Variants in CGNL1 observed in about 807,000 individuals in gnomAD.
The protein encoded by CGNL1 is cingulin-like protein 1.
Under a neutral mutation model 141.2 loss-of-function variants are expected in CGNL1, and 132 were observed. The observed-to-expected ratio is 0.93, with a 90% CI of 0.81 to 1.08. The LOEUF (loss-of-function observed/expected upper bound fraction) is 1.08. Among genes scored for constraint, CGNL1 ranks in the 50% least tolerant of loss-of-function variants. CGNL1 has a pLI of 0.00. For synonymous variants in CGNL1, 690 were observed against 622.1 expected, an observed-to-expected ratio of 1.11 and a Z score of -1.63; for missense variants, 1,870 against 1,588.6, an observed-to-expected ratio of 1.18 and a Z score of -3.01.
chr15:57,458,319 C>T (rs746592202), intron 7 of CGNL1, among the ~76,000 whole-genome samples: 4 of 152,100 alleles, frequency 2.6e-5, no homozygotes, highest in Admixed American at 6.5e-5. Context: ...AATTAAGCCC[C>T]GAGGTGATGG....
chr15:57,400,887 T>TAAAAAAAA (rs35735890), intron 1 of CGNL1, among the ~76,000 whole-genome samples: 13 of 77,886 alleles, frequency 1.7e-4, no homozygotes, highest in East Asian at 3.9e-4. Flanking sequence ...TGTCTCAAAT[T>TAAAAAAAA]AAAAAAAAAA....
chr15:57,448,059 G>A (rs1224607372), intron 4 of CGNL1, among the ~76,000 whole-genome samples: 10 of 151,594 alleles, frequency 6.6e-5, no homozygotes, highest in African/African-American at 2.4e-4. Context: ...GTAATCCTGG[G>A]AGTTTGGGAG....
intron 14 of CGNL1, among the ~76,000 whole-genome samples, chr15:57,533,219 C>T (rs1259540634): frequency 2.0e-5 from 3 of 152,142 alleles, no homozygotes; most frequent in East Asian, 1.9e-4. Context: ...GTTCTGTCTG[C>T]GTGTTCCCAG....
Position 57,547,892 on chromosome 15 carries a change from T to C in CGNL1, c.*402T>C, listed in dbSNP as rs1166132082. ...CAGGGAGGAAACCATGTATAGCTTG[T>C]ACATATTTTAAACCAGACCTTCTCA... On this transcript the variant is annotated 3_prime_UTR_variant, in exon 19 of 19. Transcript: ENST00000281282. The C allele has an allele frequency of 6.1e-6, 1 of 165,154 alleles. No individual in the cohort carries two copies. Among genetic ancestry groups the C allele is most frequent in the East Asian group, 1.8e-4 (1 of 5,668 alleles). The allele number at this position is 165,154 out of a possible 1,614,324, so 10.2% of individuals were successfully genotyped here.
chr15:57,475,432 C>A (rs1460413493), intron 8 of CGNL1, among the ~76,000 whole-genome samples: 2 of 151,970 alleles, frequency 1.3e-5, no homozygotes. Flanking sequence ...AGAGACATAT[C>A]TGACCCAAAA....
At chr15:57,509,449 C>T (rs932876403) in intron 8 of CGNL1, among the ~76,000 whole-genome samples, 2 of 152,232 alleles carry the variant, frequency 1.3e-5, no homozygotes, top group Admixed American at 6.5e-5. Context: ...AGGCTCTTGG[C>T]CTATGTGGTT....
intron 8 of CGNL1, among the ~76,000 whole-genome samples, chr15:57,466,936 A>T (rs542238750): frequency 6.6e-6 from 1 of 152,292 alleles, no homozygotes; most frequent in Admixed American, 6.5e-5. Flanking sequence ...GCCATTAGGC[A>T]CTTTCAGAGT....
intron 4 of CGNL1, 71 bp from the exon 5 acceptor site, chr15:57,451,429 T>C (rs185825497): frequency 9.2e-7 from 1 of 1,084,868 alleles, no homozygotes; most frequent in East Asian, 2.4e-5. Flanking sequence ...TGATTATATT[T>C]GGAGGGGGAA....
At chr15:57,384,320 T>C (rs1229872487) in intron 1 of CGNL1, among the ~76,000 whole-genome samples, 1 of 152,132 alleles carries the variant, frequency 6.6e-6, no homozygotes, top group Non-Finnish European at 1.5e-5. Context: ...AATGCTCCCA[T>C]AGCATTTGCC....
Position 57,480,773 on chromosome 15 carries a change from C to G in CGNL1, c.2403+18881C>G, listed in dbSNP as rs145058543. On this transcript the variant is annotated intron_variant, in intron 8 of 18. Transcript: ENST00000281282. ...TCTGGCTGAGAATTTATACAGCCTT[C>G]TAAAGAGGAGACAGGTATGCTTTTG... Among the ~76,000 whole-genome samples, 271 of 152,222 alleles carry G rather than the reference C, an allele frequency of 1.8e-3. 1 individual carries two copies. Among genetic ancestry groups the G allele is most frequent in the African/African-American group, 6.2e-3 (258 of 41,530 alleles).
intron 1 of CGNL1, among the ~76,000 whole-genome samples, chr15:57,408,854 A>G (rs1223092000): frequency 2.0e-5 from 3 of 152,162 alleles, no homozygotes; most frequent in Admixed American, 6.5e-5. Flanking sequence ...AGCCTGGCCA[A>G]CATGGCGAAA....
chr15:57,489,456 A>G (rs184746209), intron 8 of CGNL1, among the ~76,000 whole-genome samples: 1 of 152,314 alleles, frequency 6.6e-6, no homozygotes, highest in Non-Finnish European at 1.5e-5. Flanking sequence ...ATGGACCAAA[A>G]CTTTATATAG....
chr15:57,412,872 T>TA (rs1458337011), intron 1 of CGNL1, among the ~76,000 whole-genome samples: 1 of 152,172 alleles, frequency 6.6e-6, no homozygotes, highest in Admixed American at 6.5e-5. Context: ...TTCTTTTTTT[T>TA]TCTTTTTGAG....
intron 14 of CGNL1, among the ~76,000 whole-genome samples, chr15:57,540,680 C>T (rs1198936286): frequency 6.6e-6 from 1 of 152,206 alleles, no homozygotes; most frequent in Non-Finnish European, 1.5e-5. Flanking sequence ...CCAGTGCACC[C>T]ACCCCAGCAC....
At chr15:57,505,638 CT>C in intron 8 of CGNL1, among the ~76,000 whole-genome samples, 1 of 152,284 alleles carries the variant, frequency 6.6e-6, no homozygotes, top group Non-Finnish European at 1.5e-5. Context: ...AGCCTAAACG[CT>C]TGTAGCAGTC....
chr15:57,543,470 G>A (rs1275840500), intron 14 of CGNL1, among the ~76,000 whole-genome samples: 2 of 152,170 alleles, frequency 1.3e-5, no homozygotes, highest in Admixed American at 6.5e-5. Flanking sequence ...AGCAGGGCTA[G>A]CTTTGACTCT....
rs576469230 is a variant in CGNL1, at chr15:57,528,296, G to T, written c.3040-358G>T. ...AAAAAAAACTATATCTTGCAACCCA[G>T]GAATACACGCATCTGCACAAATATA... On this transcript the variant is annotated intron_variant, in intron 12 of 18. Transcript: ENST00000281282. 5.3e-5 allele frequency among the ~76,000 whole-genome samples: 8 copies of T among 151,870 alleles called. No individual in the cohort carries two copies. In the East Asian group the frequency reaches 1.5e-3, roughly 29 times the overall value.
chr15:57,522,974 C>A (rs143885391), intron 10 of CGNL1, among the ~76,000 whole-genome samples: 1 of 152,296 alleles, frequency 6.6e-6, no homozygotes, highest in Non-Finnish European at 1.5e-5. Flanking sequence ...ATGACAACTG[C>A]CTTTACCCAA....
At chr15:57,414,584 C>G (rs1002844474) in intron 1 of CGNL1, among the ~76,000 whole-genome samples, 2 of 152,062 alleles carry the variant, frequency 1.3e-5, no homozygotes, top group African/African-American at 4.8e-5. Flanking sequence ...TATATCATTT[C>G]CAGAGGTCAC....
Sources: allele counts gnomAD v4.1 joint callset (sites outside exome capture counted in the v4.1 genomes callset), GRCh38; gene constraint gnomAD v4.1.1; transcripts MANE v1.5; gene names NCBI Gene and HGNC (gene_info 2026-07-23, HGNC 2026-07-21).